Variants in PAK2 observed in about 807,000 individuals in gnomAD.
PAK2 encodes the protein p21 (RAC1) activated kinase 2.
In PAK2, 21 loss-of-function variants were observed where a neutral mutation model predicts 65.9. The ratio of observed to expected loss-of-function variants is 0.32; its 90% CI spans 0.23 to 0.46. The LOEUF (loss-of-function observed/expected upper bound fraction) is 0.46. Among genes scored for constraint, PAK2 ranks in the 20% least tolerant of loss-of-function variants. PAK2 has a pLI of 1.00. For missense variants in PAK2, 324 were observed against 642.6 expected (o/e 0.50, Z 5.36); for synonymous variants, 204 against 219.7 (o/e 0.93, Z 0.63).
At chr3:196,822,126 A>T (rs1711675437) in intron 13 of PAK2, among the ~76,000 whole-genome samples, 1 of 152,196 alleles carries the variant, frequency 6.6e-6, no homozygotes, top group African/African-American at 2.4e-5. Context: ...TATAGAGGTG[A>T]TTAGTTTAGA....
At chr3:196,789,791 C>CG (rs557686170) in intron 2 of PAK2, among the ~76,000 whole-genome samples, 218 of 152,022 alleles carry the variant, frequency 1.4e-3, no homozygotes, top group Non-Finnish European at 2.3e-3. Flanking sequence ...GTGGGGCTGA[C>CG]GGGGGGGTGG....
intron 4 of PAK2, 140 bp from the exon 5 acceptor site, chr3:196,805,212 C>A (rs571233954): frequency 1.7e-6 from 1 of 572,066 alleles, no homozygotes; most frequent in Admixed American, 3.9e-5. Flanking sequence ...TGACTACTTG[C>A]GTGTTCATTT....
In PAK2 at chr3:196,777,723, G is replaced by A. The variant is rs188917270; in HGVS notation, c.-21-4903G>A. 4.3e-4 allele frequency among the ~76,000 whole-genome samples: 65 copies of A among 152,288 alleles called. No homozygotes were observed. In the East Asian group the frequency reaches 4.4e-3, roughly 10 times the overall value. On this transcript the variant is annotated intron_variant, in intron 1 of 14. Transcript: ENST00000327134. ...GCCTGACCTAACTTAAAACAAGTAC[G>A]TGTTGGTCTTTCTCCAGGTTATGAA...
rs1418582155 is a variant in PAK2, at chr3:196,759,489, G to GTT, written c.-22+19339_-22+19340dup. Among the ~76,000 whole-genome samples the GTT allele has an allele frequency of 6.0e-4, 59 of 98,872 alleles. 1 individual carries two copies. Among genetic ancestry groups the GTT allele is most frequent in the Admixed American group, 9.7e-4 (8 of 8,240 alleles). The allele number at this position is 98,872 out of a possible 152,430, so 64.9% of individuals were successfully genotyped here. ...ACCCTTTAAGGTATACAGTTAAGTG[G>GTT]TTTTTTTTGTTTTTTTTTTTTTTTT... On this transcript the variant is annotated intron_variant, in intron 1 of 14. Coordinates refer to ENST00000327134, the MANE Select transcript of PAK2 (RefSeq NM_002577.4).
chr3:196,816,906 G>C (rs1402407183), intron 11 of PAK2, among the ~76,000 whole-genome samples: 2 of 152,108 alleles, frequency 1.3e-5, no homozygotes, highest in Non-Finnish European at 2.9e-5. Flanking sequence ...TCATGTCCAA[G>C]TTGTAGATAC....
chr3:196,792,272 G>A (rs997263853), intron 2 of PAK2, among the ~76,000 whole-genome samples: 3 of 152,162 alleles, frequency 2.0e-5, no homozygotes, highest in Non-Finnish European at 4.4e-5. Flanking sequence ...CTAGTTTATC[G>A]TTAACTAATA....
At position 196,830,985 on chromosome 3, in the gene PAK2, C is replaced by T. The variant is rs897314308; in HGVS notation, c.*2580C>T. On this transcript the variant is annotated 3_prime_UTR_variant, in exon 15 of 15. Coordinates refer to ENST00000327134, the MANE Select transcript of PAK2 (RefSeq NM_002577.4). ...CACTGCAACCTCCGCTTCCTGGGTT[C>T]AAGCAATTCTCATGCCTCAGCCTCC... is the stretch of plus-strand genomic sequence containing the variant. The T allele has an allele frequency of 7.9e-5, 12 of 152,190 alleles. No homozygotes were observed. Among genetic ancestry groups the T allele is most frequent in the Admixed American group, 6.5e-4 (10 of 15,270 alleles). 9.4% of individuals were successfully genotyped at this position (152,190 alleles called of 1,614,324 possible).
At chr3:196,740,388 G>T (rs1713148294) in intron 1 of PAK2, among the ~76,000 whole-genome samples, 1 of 152,142 alleles carries the variant, frequency 6.6e-6, no homozygotes, top group Admixed American at 6.5e-5. Flanking sequence ...GAAGCTCGCT[G>T]GGCTGCGGAG....
chr3:196,760,794 A>T (rs1158605469), intron 1 of PAK2, among the ~76,000 whole-genome samples: 1 of 152,238 alleles, frequency 6.6e-6, no homozygotes, highest in Admixed American at 6.5e-5. Context: ...CTGAAGGTGT[A>T]TAGGATATTT....
At chr3:196,804,506 T>A (rs1715518600) in intron 4 of PAK2, among the ~76,000 whole-genome samples, 1 of 152,148 alleles carries the variant, frequency 6.6e-6, no homozygotes, top group Non-Finnish European at 1.5e-5. Context: ...TTTACTCTGT[T>A]GCCCAGGCTG....
At chr3:196,828,190 A>G (rs1198335881) in intron 14 of PAK2, 129 bp from the exon 15 acceptor site, 1 of 649,086 alleles carries the variant, frequency 1.5e-6, no homozygotes, top group African/African-American at 1.8e-5. Flanking sequence ...TTATGAAGGT[A>G]TTAATATGTG....
intron 7 of PAK2, among the ~76,000 whole-genome samples, chr3:196,809,653 TA>T (rs747365769): frequency 0.014 from 1,938 of 139,578 alleles, 26 homozygotes; most frequent in African/African-American, 0.037. Flanking sequence ...AGCTGCTACT[TA>T]AAAAAAAAAA....
chr3:196,776,519 G>A (rs1226170500), intron 1 of PAK2, among the ~76,000 whole-genome samples: 2 of 152,154 alleles, frequency 1.3e-5, no homozygotes, highest in Admixed American at 6.5e-5. Flanking sequence ...TGTTGCTACT[G>A]ACACAATTTA....
Position 196,751,667 on chromosome 3 carries a change from T to TATATATATATATATA in PAK2, c.-22+11510_-22+11511insATATATATATATATA, listed in dbSNP as rs1560089766. 1.1e-3 allele frequency among the ~76,000 whole-genome samples: 50 copies of TATATATATATATATA among 45,078 alleles called. 2 individuals carry two copies. Among genetic ancestry groups the TATATATATATATATA allele is most frequent in the Admixed American group, 4.3e-3 (18 of 4,150 alleles). The allele number at this position is 45,078 out of a possible 152,430, so 29.6% of individuals were successfully genotyped here. A position where few individuals can be genotyped will look rare whatever the true frequency, so the allele number is the denominator to read the frequency against. ...CCCCCCAAAAAACACACAAATTTAT[T>TATATATATATATATA]TATATACATATATATATATATATAT... is the stretch of plus-strand genomic sequence containing the variant. On this transcript the variant is annotated intron_variant, in intron 1 of 14. Coordinates refer to ENST00000327134, the MANE Select transcript of PAK2 (RefSeq NM_002577.4).
rs779443649 is a variant in PAK2, at chr3:196,810,603, C to T, written c.723C>T (p.Ser241=). Reference sequence around the variant, plus strand: ...TGTTTATTCTAGGAACTATCGTGAGCATAGGTGACCCTAAGAAAAAATATA... The same window carrying T: ...TGTTTATTCTAGGAACTATCGTGAGTATAGGTGACCCTAAGAAAAAATATA... ...EIMEKLRTIV[S]IGDPKKKYTR... The change falls in exon 8 of 15, where the codon AGC becomes AGT. Residue 241 remains serine, a synonymous_variant. Transcript: ENST00000327134. 1 of 1,568,360 alleles carries T rather than the reference C, an allele frequency of 6.4e-7. No homozygotes were observed. Among genetic ancestry groups the T allele is most frequent in the Non-Finnish European group, 8.8e-7 (1 of 1,139,246 alleles).
chr3:196,785,067 T>C (rs1016450161), intron 2 of PAK2: 1 of 152,314 alleles, frequency 6.6e-6, no homozygotes, highest in African/African-American at 2.4e-5. Flanking sequence ...TTTTAGTATA[T>C]GTGCTGCTGA....
chr3:196,789,788 T>G (rs956390697), intron 2 of PAK2, among the ~76,000 whole-genome samples: 1 of 152,140 alleles, frequency 6.6e-6, no homozygotes, highest in African/African-American at 2.4e-5. Flanking sequence ...TCTGTGGGGC[T>G]GACGGGGGGG....
intron 2 of PAK2, among the ~76,000 whole-genome samples, chr3:196,799,562 C>T (rs532174243): frequency 1.3e-5 from 2 of 152,306 alleles, no homozygotes; most frequent in East Asian, 3.9e-4. Flanking sequence ...CCTTCGGCTA[C>T]GTTATGACAC....
At chr3:196,774,415 TTCCTGTGTAAC>T (rs1364855802) in intron 1 of PAK2, among the ~76,000 whole-genome samples, 1 of 152,196 alleles carries the variant, frequency 6.6e-6, no homozygotes, top group Non-Finnish European at 1.5e-5. Context: ...TGAATTTGTT[TTCCTGTGTAAC>T]TCGAGTTTAG....
Sources: allele counts gnomAD v4.1 joint callset (sites outside exome capture counted in the v4.1 genomes callset), GRCh38; gene constraint gnomAD v4.1.1; transcripts MANE v1.5; gene names NCBI Gene and HGNC (gene_info 2026-07-23, HGNC 2026-07-21).